The following NFE2 variants were observed in gnomAD, a reference collection of about 807,000 sequenced individuals.
The protein encoded by NFE2 is transcription factor NF-E2 45 kDa subunit.
In NFE2, 13 loss-of-function variants were observed where a neutral mutation model predicts 25.8. The observed-to-expected ratio is 0.50, with a 90% CI of 0.33 to 0.80. NFE2 has a LOEUF of 0.80. Among genes scored for constraint, NFE2 ranks in the 30% least tolerant of loss-of-function variants. NFE2 has a pLI of 0.02. For synonymous variants in NFE2, 204 were observed against 200.2 expected (o/e 1.02, Z -0.16); for missense variants, 382 against 478.9 (o/e 0.80, Z 1.89).
In NFE2 at chr12:54,293,291, A is replaced by G. The variant is rs1432403496; in HGVS notation, c.205T>C (p.Ser69Pro). Residue 69 changes from serine to proline, a missense_variant, in exon 3 of 3, where the codon TCA becomes CCA. Ser to Pro is a moderately conservative substitution (Grantham distance 74). Coordinates refer to ENST00000435572, the MANE Select transcript of NFE2 (RefSeq NM_001136023.3). ...GGGAAGCCAGAATCTGGGTGGATTGAGCAGGGGCAGTAAGTTGTGGGTGGT... is the reference window on the plus strand; with the variant it reads ...GGGAAGCCAGAATCTGGGTGGATTGGGCAGGGGCAGTAAGTTGTGGGTGGT... ...PPPPTTYCPC[S>P]IHPDSGFPLP... 1 of 1,610,304 alleles carries G rather than the reference A, an allele frequency of 6.2e-7. No homozygotes were observed. The highest frequency in any genetic ancestry group is 8.5e-7 in the Non-Finnish European group (1 of 1,178,140).
intron 1 of NFE2, among the ~76,000 whole-genome samples, chr12:54,298,252 A>G (rs1354804068): frequency 2.0e-5 from 3 of 152,148 alleles, no homozygotes; most frequent in African/African-American, 7.2e-5. Context: ...TCACGCCTGT[A>G]ATCCCAGCAC....
chr12:54,292,928 C>T lies in NFE2; in HGVS notation c.568G>A (p.Ala190Thr), dbSNP rs1325195434. ...GCTGGCAAGGTATAGTTGGAGTGGG[C>T]CAAGGAGTTGGGCATGAGTGAGTAG... ...YPYSLMPNSL[A>T]HSNYTLPAAE... Residue 190 changes from alanine to threonine, a missense_variant, in exon 3 of 3, where the codon GCC becomes ACC. Coordinates refer to ENST00000435572, the MANE Select transcript of NFE2 (RefSeq NM_001136023.3). The T allele has an allele frequency of 1.9e-6, 3 of 1,600,576 alleles. No individual in the cohort carries two copies. Among genetic ancestry groups the T allele is most frequent in the Admixed American group, 1.7e-5 (1 of 59,102 alleles).
chr12:54,292,811 G>A lies in NFE2; in HGVS notation c.685C>T (p.Arg229Trp). The A allele has an allele frequency of 1.2e-6, 2 of 1,614,152 alleles. No individual in the cohort carries two copies. The highest frequency in any genetic ancestry group is 1.7e-6 in the Non-Finnish European group (2 of 1,180,024). The change falls in exon 3 of 3, where the codon CGG becomes TGG. Residue 229 changes from arginine (R) to tryptophan (W), a missense_variant. Transcript: ENST00000435572. ...AAAGGAATCTTCATGGCCAAGGCCC[G>A]ACGTTCATCCCGACTCCCTGCCTCC... is the stretch of plus-strand genomic sequence containing the variant. ...RGEAGSRDERRALAMKIPFPT... is the reference protein window; with the variant it reads ...RGEAGSRDERWALAMKIPFPT...
At chr12:54,296,870 C>T (rs1944376614) in intron 1 of NFE2, among the ~76,000 whole-genome samples, 1 of 152,112 alleles carries the variant, frequency 6.6e-6, no homozygotes, top group African/African-American at 2.4e-5. Flanking sequence ...CAAACCCTCA[C>T]CCGTGTCTTT....
chr12:54,296,359 G>A (rs1565887090), intron 1 of NFE2, among the ~76,000 whole-genome samples: 1 of 148,056 alleles, frequency 6.8e-6, no homozygotes, highest in Non-Finnish European at 1.5e-5. Flanking sequence ...GCAGAGAGCC[G>A]AGATCGCGCC....
chr12:54,293,241 G>A lies in NFE2; in HGVS notation c.255C>T (p.Leu85=). 1 of 1,611,564 alleles carries A rather than the reference G, an allele frequency of 6.2e-7. No individual in the cohort carries two copies. The highest frequency in any genetic ancestry group is 8.5e-7 in the Non-Finnish European group (1 of 1,178,828). Reference sequence around the variant, plus strand: ...CTGGGACATGGGATGTGGATGCTGGGAGCTCATAAGGTGGTGGAGGAAGTG... The same window carrying A: ...CTGGGACATGGGATGTGGATGCTGGAAGCTCATAAGGTGGTGGAGGAAGTG... The part of the protein sequence containing the change: ...GFPLPPPPYE[L]PASTSHVPDP... The change falls in exon 3 of 3, where the codon CTC becomes CTT. Residue 85 remains leucine (L), a synonymous_variant. Transcript: ENST00000435572.
intron 1 of NFE2, among the ~76,000 whole-genome samples, chr12:54,298,238 T>C (rs1175854897): frequency 6.6e-6 from 1 of 152,120 alleles, no homozygotes; most frequent in Non-Finnish European, 1.5e-5. Context: ...CTACGCACGG[T>C]GGCTCACGCC....
chr12:54,298,973 C>T (rs1944398642), intron 1 of NFE2, among the ~76,000 whole-genome samples: 1 of 151,804 alleles, frequency 6.6e-6, no homozygotes, highest in Non-Finnish European at 1.5e-5. Flanking sequence ...ATTGCTTGAA[C>T]CTGGGCGGTA....
chr12:54,299,691 G>C (rs1311621011), intron 1 of NFE2, among the ~76,000 whole-genome samples: 1 of 152,172 alleles, frequency 6.6e-6, no homozygotes, highest in African/African-American at 2.4e-5. Flanking sequence ...GATGGAGAGA[G>C]GAATACATTT....
chr12:54,297,488 A>AC (rs1369307616), intron 1 of NFE2, among the ~76,000 whole-genome samples: 1 of 150,126 alleles, frequency 6.7e-6, no homozygotes, highest in African/African-American at 2.5e-5. Context: ...ACATGGTGAA[A>AC]CCCCCATCTC....
chr12:54,293,458 T>G (rs1944340387), intron 2 of NFE2, 77 bp from the exon 3 acceptor site: 1 of 1,372,314 alleles, frequency 7.3e-7, no homozygotes, highest in Admixed American at 2.6e-5. Flanking sequence ...ACAAGCTGGA[T>G]TCTTCTGAAA....
At chr12:54,298,814 G>C (rs950903545) in intron 1 of NFE2, among the ~76,000 whole-genome samples, 4 of 152,140 alleles carry the variant, frequency 2.6e-5, no homozygotes, top group African/African-American at 9.7e-5. Context: ...ACTTTGGGAG[G>C]CTGAGGTGGG....
rs1272443561 is a variant in NFE2, at chr12:54,292,529, G to A, written c.967C>T (p.Arg323Cys). ...CGGTACAGCTCTGTCAGCTGTTGGC[G>A]CATGACCTCCAGGGTCCGGTCTGCC... ...GEADRTLEVM[R>C]QQLTELYRDI... Residue 323 changes from arginine to cysteine, a missense_variant, in exon 3 of 3, where the codon CGC (arginine) becomes TGC (cysteine). By Grantham distance (180) the Arg-to-Cys change is radical. Coordinates refer to ENST00000435572, the MANE Select transcript of NFE2 (RefSeq NM_001136023.3). 1.2e-6 allele frequency: 2 copies of A among 1,614,148 alleles called. No individual in the cohort carries two copies. The highest frequency in any genetic ancestry group is 1.7e-6 in the Non-Finnish European group (2 of 1,180,028).
At chr12:54,299,877 G>T (rs1241737828) in intron 1 of NFE2, among the ~76,000 whole-genome samples, 1 of 151,998 alleles carries the variant, frequency 6.6e-6, no homozygotes, top group Non-Finnish European at 1.5e-5. Flanking sequence ...TTGGTTAACC[G>T]GTAAGCAACC....
At chr12:54,296,142 C>G (rs1175096404) in intron 1 of NFE2, among the ~76,000 whole-genome samples, 1 of 152,170 alleles carries the variant, frequency 6.6e-6, no homozygotes, top group African/African-American at 2.4e-5. Context: ...CGCGGTGGCT[C>G]AGGCCTGTAA....
chr12:54,293,479 G>A, intron 2 of NFE2, 98 bp from the exon 3 acceptor site: 1 of 1,308,260 alleles, frequency 7.6e-7, no homozygotes, highest in Admixed American at 2.8e-5. Context: ...GTCGCAGTGA[G>A]GTAGTAACAA....
intron 2 of NFE2, among the ~76,000 whole-genome samples, chr12:54,293,768 G>C (rs1294495955): frequency 6.6e-6 from 1 of 152,054 alleles, no homozygotes; most frequent in Non-Finnish European, 1.5e-5. Context: ...AGAACTGCTT[G>C]AACCCCGGAG....
Position 54,292,662 on chromosome 12 carries a change from C to T in NFE2, c.834G>A (p.Val278=). 6.2e-7 allele frequency: 1 copy of T among 1,614,208 alleles called. No individual in the cohort carries two copies. ...RDIRRRGKNK[V]AAQNCRKRKL... ...TCCTCTTGCGGCAGTTCTGGGCTGC[C>T]ACCTTGTTTTTGCCCCGTCGTCGGA... Residue 278 remains valine (V), a synonymous_variant, in exon 3 of 3, where the codon GTG becomes GTA. Transcript: ENST00000435572.
chr12:54,293,727 T>C (rs996147214), intron 2 of NFE2, among the ~76,000 whole-genome samples: 2 of 152,170 alleles, frequency 1.3e-5, no homozygotes, highest in African/African-American at 2.4e-5. Flanking sequence ...TGAATGCCTG[T>C]AATCCCAGCT....
Sources: gnomAD v4.1 joint callset for allele counts (sites outside exome capture counted in the v4.1 genomes callset) on GRCh38, gnomAD v4.1.1 for gene constraint, MANE v1.5 for transcripts, NCBI Gene and HGNC (gene_info 2026-07-23, HGNC 2026-07-21) for gene names.